Variants in RBBP7 observed in about 807,000 individuals in gnomAD.
The protein encoded by RBBP7 is histone-binding protein RBBP7.
Under a neutral mutation model 35.2 loss-of-function variants are expected in RBBP7, and 5 were observed. The observed-to-expected ratio is 0.14, with a 90% CI of 0.07 to 0.30. The LOEUF (loss-of-function observed/expected upper bound fraction) is 0.30, where lower values mean the gene tolerates loss of function less well. Ranked by LOEUF, RBBP7 falls within the 10% of genes least tolerant of loss-of-function variation. RBBP7 has a pLI of 1.00. For missense variants in RBBP7, 155 were observed against 327.5 expected (o/e 0.47, Z 4.07); for synonymous variants, 140 against 118.7 (o/e 1.18, Z -1.17).
chrX:16,869,028 G>A, intron 2 of RBBP7, 48 bp downstream of exon 2: 3 of 1,168,659 alleles, frequency 2.6e-6, no homozygotes, highest in Non-Finnish European at 3.4e-6. Flanking sequence ...AGGAAATTCA[G>A]AACGACAGTT....
intron 4 of RBBP7, among the ~76,000 whole-genome samples, chrX:16,858,334 A>C (rs2147521797): frequency 8.9e-6 from 1 of 111,945 alleles, no homozygotes; most frequent in South Asian, 3.7e-4. Context: ...GACATTTAGC[A>C]CATGTTCCTA....
chrX:16,857,651 A>G lies in RBBP7; in HGVS notation c.540T>C (p.Tyr180=). The change falls in exon 5 of 12, where the codon TAT becomes TAC. Residue 180 remains tyrosine, a synonymous_variant. Transcript: ENST00000380087. ...LRLRGHQKEG[Y]GLSWNSNLSG... is the part of the protein sequence containing the mutation. Reference sequence around the variant, plus strand: ...TCAAATTTGAATTCCAGGAGAGACCATAGCCTTCCTTCTGGTGACCTCTTA... The same window carrying G: ...TCAAATTTGAATTCCAGGAGAGACCGTAGCCTTCCTTCTGGTGACCTCTTA... The G allele has an allele frequency of 1.7e-6, 2 of 1,204,089 alleles. No homozygotes were observed. The highest frequency in any genetic ancestry group is 1.1e-6 in the Non-Finnish European group (1 of 893,530).
At chrX:16,848,145 G>A (rs1930128359) in intron 10 of RBBP7, 1 of 111,944 alleles carries the variant, frequency 8.9e-6, no homozygotes, top group African/African-American at 3.3e-5. Context: ...AGGGCTGGAG[G>A]AAGAAGAGAA....
chrX:16,864,370 T>C lies in RBBP7; in HGVS notation c.162-1270A>G, dbSNP rs193289401. Among the ~76,000 whole-genome samples, 857 of 109,270 alleles carry C rather than the reference T, an allele frequency of 7.8e-3. 13 individuals carry two copies. The highest frequency in any genetic ancestry group is 0.028 in the African/African-American group (832 of 29,870). 94.9% of individuals were successfully genotyped at this position (109,270 alleles called of 115,157 possible). On this transcript the variant is annotated intron_variant, in intron 2 of 11. Coordinates refer to ENST00000380087, the MANE Select transcript of RBBP7 (RefSeq NM_002893.4). Reference sequence around the variant, plus strand: ...CCCCATCTCTATTAAAAATACAAAATTAGCCGGGCATGGTGGCGCATGCCT... The same window carrying C: ...CCCCATCTCTATTAAAAATACAAAACTAGCCGGGCATGGTGGCGCATGCCT...
At chrX:16,852,326 C>T in intron 8 of RBBP7, 2 of 525,220 alleles carry the variant, frequency 3.8e-6, no homozygotes, top group Non-Finnish European at 3.3e-6. Context: ...CTCCCCAGCA[C>T]TGAGGAACTC....
chrX:16,870,140 C>T lies in RBBP7; in HGVS notation c.-87G>A, dbSNP rs866288763. 40 of 1,007,968 alleles carry T rather than the reference C, an allele frequency of 4.0e-5. No homozygotes were observed. The South Asian group carries it at 8.9e-4, about 22-fold the overall frequency. 83.1% of individuals were successfully genotyped at this position (1,007,968 alleles called of 1,213,427 possible). On this transcript the variant is annotated 5_prime_UTR_variant, in exon 1 of 12. Transcript: ENST00000380087. ...CCCGACCGCTGGCGCTCCTGCCTTT[C>T]CCAAGCGCGTCACACTCCCCACTGT...
intron 9 of RBBP7, among the ~76,000 whole-genome samples, chrX:16,850,475 G>C (rs898783597): frequency 1.7e-4 from 19 of 112,790 alleles, no homozygotes; most frequent in African/African-American, 6.1e-4. Context: ...CTTGCTGTAC[G>C]CTTCATACAA....
chrX:16,854,176 G>T (rs1930287687), intron 5 of RBBP7, among the ~76,000 whole-genome samples: 2 of 112,131 alleles, frequency 1.8e-5, no homozygotes, highest in Middle Eastern at 4.6e-3. Context: ...GAGCCACTGT[G>T]CCCGGTCAAG....
chrX:16,852,371 A>C, intron 8 of RBBP7, 180 bp downstream of exon 8: 1 of 581,682 alleles, frequency 1.7e-6, no homozygotes, highest in Non-Finnish European at 2.9e-6. Flanking sequence ...TCGACCCCAT[A>C]ACCATCCCAG....
chrX:16,852,535 G>A lies in RBBP7; in HGVS notation c.963+16C>T, dbSNP rs764766516. On this transcript the variant is annotated intron_variant, in intron 8 of 11. Transcript: ENST00000380087. ...TTCATTTCCTGACATACAGACACCA[G>A]AAAACTGTCACATACCTGGAAAATT... 1.7e-6 allele frequency: 2 copies of A among 1,205,757 alleles called. No homozygotes were observed. Among genetic ancestry groups the A allele is most frequent in the African/African-American group, 3.5e-5 (2 of 57,080 alleles).
chrX:16,868,027 T>C (rs73452470), intron 2 of RBBP7, among the ~76,000 whole-genome samples: 3,645 of 111,725 alleles, frequency 0.033, 174 homozygotes, highest in African/African-American at 0.11. Context: ...AAAATCCTCT[T>C]TTTAGGTTAG....
At chrX:16,848,156 T>C (rs963601723) in intron 10 of RBBP7, 1 of 111,710 alleles carries the variant, frequency 9.0e-6, no homozygotes, top group South Asian at 3.7e-4. Flanking sequence ...AAGAAGAGAA[T>C]TGGGAGGTGA....
At chrX:16,854,346 C>T (rs1476307024) in intron 5 of RBBP7, among the ~76,000 whole-genome samples, 1 of 110,933 alleles carries the variant, frequency 9.0e-6, no homozygotes, top group Non-Finnish European at 1.9e-5. Context: ...AAAGGACACT[C>T]CACTGTAATG....
In RBBP7 at chrX:16,845,949, A is replaced by C. The variant is rs769403929; in HGVS notation, c.1099-11T>G. 12 of 1,200,770 alleles carry C rather than the reference A, an allele frequency of 1.0e-5. No individual in the cohort carries two copies. The highest frequency in any genetic ancestry group is 2.3e-4 in the Middle Eastern group (1 of 4,320). The stretch of plus-strand genomic sequence containing the variant: ...TCCTCCATGAATAAACTGTTACAAG[A>C]ACAAAAAAAGCTTTGATTTCATATA... On this transcript the variant is annotated splice_polypyrimidine_tract_variant and intron_variant, in intron 10 of 11. Coordinates refer to ENST00000380087, the MANE Select transcript of RBBP7 (RefSeq NM_002893.4).
At chrX:16,845,768 A>T (rs1323863737) in intron 11 of RBBP7, 60 bp downstream of exon 11, 3 of 1,157,381 alleles carry the variant, frequency 2.6e-6, no homozygotes, top group Non-Finnish European at 3.5e-6. Flanking sequence ...TTATTACATT[A>T]TGTAAGTAGT....
intron 7 of RBBP7, 53 bp from the exon 8 acceptor site, chrX:16,852,681 C>G (rs759738532): frequency 8.3e-7 from 1 of 1,207,076 alleles, no homozygotes; most frequent in Admixed American, 2.2e-5. Flanking sequence ...TAAGAATTTT[C>G]AAATATCTGA....
At chrX:16,858,642 G>A in intron 4 of RBBP7, 34 bp downstream of exon 4, 1 of 1,190,610 alleles carries the variant, frequency 8.4e-7, no homozygotes, top group South Asian at 1.9e-5. Flanking sequence ...CAAGAAAACT[G>A]CTCAAGTAAT....
chrX:16,859,589 A>C lies in RBBP7; in HGVS notation c.308-740T>G, dbSNP rs1176595141. ...GAACATCTAAGCAAATACAGCAAAC[A>C]AGAACATTCTTTTTTGTGCTCATAG... On this transcript the variant is annotated intron_variant, in intron 3 of 11. Coordinates refer to ENST00000380087, the MANE Select transcript of RBBP7 (RefSeq NM_002893.4). Among the ~76,000 whole-genome samples, 22 of 112,803 alleles carry C rather than the reference A, an allele frequency of 2.0e-4. No individual in the cohort carries two copies. In the Admixed American group the frequency reaches 2.1e-3, roughly 11 times the overall value.
chrX:16,869,459 A>G, intron 1 of RBBP7: 16 of 1,160,460 alleles, frequency 1.4e-5, no homozygotes, highest in Non-Finnish European at 1.7e-5. Context: ...TTACACGGAC[A>G]TGGAAATTGT....
Sources: gnomAD v4.1 joint callset for allele counts (sites outside exome capture counted in the v4.1 genomes callset) on GRCh38, gnomAD v4.1.1 for gene constraint, MANE v1.5 for transcripts, NCBI Gene and HGNC (gene_info 2026-07-23, HGNC 2026-07-21) for gene names.